PHGDH: variants seen among roughly 807,000 people sequenced by gnomAD.
PHGDH encodes D-3-phosphoglycerate dehydrogenase.
PHGDH carries 50 observed loss-of-function variants against 52.6 expected under a neutral mutation model. That is an observed-to-expected ratio of 0.95 (90% CI 0.76 to 1.20). The LOEUF is 1.20. Among genes scored for constraint, PHGDH ranks in the 50% most tolerant of loss-of-function variants. PHGDH has a pLI of 0.00. For synonymous variants in PHGDH, 271 were observed against 280.5 expected (o/e 0.97, Z 0.34); for missense variants, 630 against 684.6 (o/e 0.92, Z 0.89).
intron 5 of PHGDH, chr1:119,729,466 C>CCTTCCCCAGGGGGTCCT (rs1187090181): frequency 1.3e-5 from 2 of 152,300 alleles, no homozygotes; most frequent in Non-Finnish European, 2.9e-5. Flanking sequence ...GCTCCTGCCC[C>CCTTCCCCAGGGGGTCCT]CTTCCCCAGG....
Position 119,712,141 on chromosome 1 carries a change from A to T in PHGDH, c.119A>T (p.Glu40Val). The T allele has an allele frequency of 6.2e-7, 1 of 1,614,100 alleles. No homozygotes were observed. Among genetic ancestry groups the T allele is most frequent in the South Asian group, 1.1e-5 (1 of 91,080 alleles). The stretch of plus-strand genomic sequence containing the variant: ...GAAAAGCAGAACCTTAGCAAAGAGG[A>T]GCTGATAGCGGAGCTGCAGGTAAGG... ...VVEKQNLSKE[E>V]LIAELQDCEG... The change falls in exon 1 of 12, where the codon GAG becomes GTG. Residue 40 changes from glutamate (E) to valine (V), a missense_variant. Glu to Val is a moderately radical substitution (Grantham distance 121). Coordinates refer to ENST00000641023, the MANE Select transcript of PHGDH (RefSeq NM_006623.4).
At chr1:119,717,171 G>A (rs28501188) in intron 1 of PHGDH, among the ~76,000 whole-genome samples, 35,151 of 138,756 alleles carry the variant, frequency 0.25, 5,437 homozygotes, top group African/African-American at 0.46. Flanking sequence ...GGCGGAGGTT[G>A]CAGTGAGCCA....
intron 5 of PHGDH, among the ~76,000 whole-genome samples, chr1:119,733,249 G>A (rs1651779599): frequency 6.6e-6 from 1 of 152,172 alleles, no homozygotes; most frequent in African/African-American, 2.4e-5. Flanking sequence ...AAGGGATCCA[G>A]AGGCTTCACC....
At chr1:119,742,034 GCA>G in intron 10 of PHGDH, 137 bp downstream of exon 10, 1 of 752,382 alleles carries the variant, frequency 1.3e-6, no homozygotes, top group Non-Finnish European at 2.3e-6. Context: ...AGGGGTAGCT[GCA>G]GTTTCTTCAA....
At chr1:119,723,581 G>T (rs587733717) in intron 3 of PHGDH, 140 bp downstream of exon 3, 2 of 725,348 alleles carry the variant, frequency 2.8e-6, no homozygotes, top group East Asian at 2.6e-5. Context: ...CATGCAGACT[G>T]CAAAGAACCT....
chr1:119,721,458 C>A, intron 2 of PHGDH, 137 bp downstream of exon 2: 1 of 795,078 alleles, frequency 1.3e-6, no homozygotes. Context: ...TGGTCTAGGG[C>A]CTGCATGGTC....
intron 5 of PHGDH, among the ~76,000 whole-genome samples, chr1:119,731,912 A>G (rs1651711715): frequency 1.3e-5 from 2 of 152,180 alleles, no homozygotes; most frequent in African/African-American, 4.8e-5. Context: ...GTGATTCTCA[A>G]ACTCAAGAGC....
chr1:119,721,960 C>T (rs969644172), intron 2 of PHGDH, among the ~76,000 whole-genome samples: 1 of 152,234 alleles, frequency 6.6e-6, no homozygotes, highest in African/African-American at 2.4e-5. Flanking sequence ...CGTTCTGTCA[C>T]TTAGATGGTA....
chr1:119,736,021 G>T (rs758484670), intron 7 of PHGDH, among the ~76,000 whole-genome samples: 1 of 152,160 alleles, frequency 6.6e-6, no homozygotes, highest in Non-Finnish European at 1.5e-5. Context: ...AATCCTTTTG[G>T]CTCCTCTCCT....
intron 1 of PHGDH, chr1:119,712,686 G>A (rs1020739841): frequency 1.1e-5 from 2 of 189,086 alleles, no homozygotes; most frequent in Non-Finnish European, 2.2e-5. Flanking sequence ...GGTTGGGGGG[G>A]TCGGGGGGCG....
intron 8 of PHGDH, among the ~76,000 whole-genome samples, chr1:119,737,517 T>C (rs1651999092): frequency 1.3e-5 from 2 of 152,148 alleles, no homozygotes; most frequent in South Asian, 4.1e-4. Context: ...GCTGCAGAGA[T>C]TGTGGCCCTT....
At chr1:119,717,156 C>T (rs751188714) in intron 1 of PHGDH, among the ~76,000 whole-genome samples, 5 of 130,610 alleles carry the variant, frequency 3.8e-5, no homozygotes, top group South Asian at 5.1e-4. Context: ...CGCTTGAACC[C>T]GGGAGGCGGA....
Position 119,712,142 on chromosome 1 carries a change from G to A in PHGDH, c.120G>A (p.Glu40=). The change falls in exon 1 of 12, where the codon GAG becomes GAA. Residue 40 remains glutamate (E), a synonymous_variant. Transcript: ENST00000641023. ...VVEKQNLSKE[E]LIAELQDCEG... The stretch of plus-strand genomic sequence containing the variant: ...AAAAGCAGAACCTTAGCAAAGAGGA[G>A]CTGATAGCGGAGCTGCAGGTAAGGC... 2 of 1,614,132 alleles carry A rather than the reference G, an allele frequency of 1.2e-6. No homozygotes were observed. Among genetic ancestry groups the A allele is most frequent in the Non-Finnish European group, 1.7e-6 (2 of 1,180,008 alleles).
At chr1:119,725,073 G>A (rs1570995887) in intron 3 of PHGDH, 2 of 446,698 alleles carry the variant, frequency 4.5e-6, no homozygotes, top group African/African-American at 4.0e-5. Flanking sequence ...GGGCTCCTGA[G>A]GTGCAGAAGA....
chr1:119,722,257 T>C (rs1480102430), intron 2 of PHGDH, among the ~76,000 whole-genome samples: 3 of 152,162 alleles, frequency 2.0e-5, no homozygotes, highest in African/African-American at 7.2e-5. Context: ...CAGGTGGTTT[T>C]GCAGGCAGAC....
intron 8 of PHGDH, among the ~76,000 whole-genome samples, 172 bp downstream of exon 8, chr1:119,737,438 G>A (rs921775473): frequency 6.6e-6 from 1 of 152,190 alleles, no homozygotes. Context: ...GGAGCCTCCC[G>A]TCTCCAGCCT....
chr1:119,738,534 G>A (rs936159883), intron 8 of PHGDH, among the ~76,000 whole-genome samples: 1 of 152,186 alleles, frequency 6.6e-6, no homozygotes, highest in African/African-American at 2.4e-5. Context: ...GCACCTGGTC[G>A]GCCTCTGAGC....
chr1:119,712,252 A>C (rs2101136888), intron 1 of PHGDH, 92 bp downstream of exon 1: 2 of 1,091,698 alleles, frequency 1.8e-6, no homozygotes, highest in Non-Finnish European at 1.3e-6. Context: ...CCTCGCATGC[A>C]CCCCGTATCA....
At chr1:119,725,841 G>C (rs1187107533) in intron 3 of PHGDH, among the ~76,000 whole-genome samples, 5 of 152,340 alleles carry the variant, frequency 3.3e-5, no homozygotes, top group African/African-American at 1.2e-4. Context: ...GGTTGACTTT[G>C]CTGGCTTTGA....
Sources: allele counts gnomAD v4.1 joint callset (sites outside exome capture counted in the v4.1 genomes callset), GRCh38; gene constraint gnomAD v4.1.1; transcripts MANE v1.5; gene names NCBI Gene and HGNC (gene_info 2026-07-23, HGNC 2026-07-21).